VWA3B: variants seen among roughly 807,000 people sequenced by gnomAD.
VWA3B encodes von Willebrand factor A domain-containing protein 3B.
A neutral mutation model predicts 158.3 loss-of-function variants in VWA3B; 138 were observed. The observed-to-expected ratio is 0.87, with a 90% CI of 0.76 to 1.00. The LOEUF is 1.00. Among genes scored for constraint, VWA3B ranks in the 50% least tolerant of loss-of-function variants. VWA3B has a pLI of 0.00. For missense variants in VWA3B, 1,555 were observed against 1,565.1 expected (o/e 0.99, Z 0.11); for synonymous variants, 596 against 587.3 (o/e 1.01, Z -0.21).
intron 7 of VWA3B, among the ~76,000 whole-genome samples, chr2:98,154,018 C>T (rs779068712): frequency 2.6e-5 from 4 of 152,142 alleles, no homozygotes; most frequent in African/African-American, 9.7e-5. Flanking sequence ...CCTGTCACCA[C>T]GCCCAGCTAA....
At chr2:98,216,988 C>CCCCCG in intron 13 of VWA3B, 5 of 1,250,626 alleles carry the variant, frequency 4.0e-6, no homozygotes, top group East Asian at 5.6e-5. Flanking sequence ...AAGCACCCGC[C>CCCCCG]CCGCACCCAG....
intron 7 of VWA3B, among the ~76,000 whole-genome samples, chr2:98,147,792 C>T (rs554097335): frequency 6.6e-6 from 1 of 151,870 alleles, no homozygotes; most frequent in African/African-American, 2.4e-5. Context: ...TGTTGGTGTG[C>T]TGCACCCATT....
chr2:98,223,357 A>G (rs910178257), intron 14 of VWA3B, among the ~76,000 whole-genome samples: 1 of 152,074 alleles, frequency 6.6e-6, no homozygotes, highest in South Asian at 2.1e-4. Context: ...GACAATGACA[A>G]AATATCCAGC....
intron 14 of VWA3B, among the ~76,000 whole-genome samples, chr2:98,226,038 C>T (rs1466614533): frequency 6.6e-6 from 1 of 152,164 alleles, no homozygotes; most frequent in Non-Finnish European, 1.5e-5. Flanking sequence ...ATCAAAATTT[C>T]TATAAAAACC....
At chr2:98,324,664 T>C in the VWA3B span, among the ~76,000 whole-genome samples, 3 of 152,202 alleles carry the variant, frequency 2.0e-5, no homozygotes, top group African/African-American at 7.2e-5. Flanking sequence ...CTAACATTTA[T>C]AAAGTATGGG....
intron 22 of VWA3B, among the ~76,000 whole-genome samples, chr2:98,289,497 C>T (rs1008627568): frequency 2.0e-5 from 3 of 152,228 alleles, no homozygotes; most frequent in African/African-American, 7.2e-5. Flanking sequence ...CTCTACCCCA[C>T]TGACTTCTAG....
chr2:98,296,277 G>T (rs533651060), intron 23 of VWA3B, among the ~76,000 whole-genome samples: 1 of 152,300 alleles, frequency 6.6e-6, no homozygotes, highest in Admixed American at 6.5e-5. Context: ...GAGGGACGTG[G>T]GGCACACAGT....
At chr2:98,158,636 G>C (rs558786579) in intron 7 of VWA3B, among the ~76,000 whole-genome samples, 1 of 152,208 alleles carries the variant, frequency 6.6e-6, no homozygotes, top group South Asian at 2.1e-4. Context: ...GGCAGCAAGA[G>C]GATGGAGTCT....
intron 8 of VWA3B, among the ~76,000 whole-genome samples, chr2:98,171,568 C>A (rs552033683): frequency 1.3e-5 from 2 of 152,010 alleles, no homozygotes; most frequent in African/African-American, 4.8e-5. Context: ...AGCAGGGACC[C>A]GATTGTGCTG....
chr2:98,248,108 G>A (rs1181227967), intron 19 of VWA3B, among the ~76,000 whole-genome samples: 1 of 150,996 alleles, frequency 6.6e-6, no homozygotes, highest in Admixed American at 6.6e-5. Flanking sequence ...ATTTTTTTCT[G>A]GTTTTTTTTC....
intron 19 of VWA3B, among the ~76,000 whole-genome samples, chr2:98,237,615 A>G (rs962766825): frequency 6.6e-6 from 1 of 152,232 alleles, no homozygotes; most frequent in Non-Finnish European, 1.5e-5. Flanking sequence ...TCATCTTTAC[A>G]AGAATAATTC....
intron 22 of VWA3B, among the ~76,000 whole-genome samples, chr2:98,280,637 G>A (rs888600955): frequency 1.3e-5 from 2 of 152,252 alleles, no homozygotes; most frequent in Admixed American, 6.5e-5. Context: ...AGGAAGCAGC[G>A]CCTGGAGAGG....
intron 25 of VWA3B, 25 bp downstream of exon 25, chr2:98,300,241 G>A: frequency 1.2e-6 from 2 of 1,613,612 alleles, no homozygotes; most frequent in Non-Finnish European, 8.5e-7. Context: ...ATTTAGAAAA[G>A]GACTTTCTCC....
chr2:98,132,639 G>A (rs1311930259), intron 6 of VWA3B, among the ~76,000 whole-genome samples: 1 of 152,178 alleles, frequency 6.6e-6, no homozygotes, highest in Non-Finnish European at 1.5e-5. Context: ...GAAGGTCCTG[G>A]GTGCCAAAGG....
chr2:98,237,534 T>G (rs1209690714), intron 19 of VWA3B, among the ~76,000 whole-genome samples: 1 of 151,902 alleles, frequency 6.6e-6, no homozygotes, highest in African/African-American at 2.4e-5. Context: ...GAGGGCGTGG[T>G]AGGGTTAAAT....
chr2:98,189,354 C>A (rs1390681791), intron 10 of VWA3B, among the ~76,000 whole-genome samples: 1 of 152,202 alleles, frequency 6.6e-6, no homozygotes, highest in Non-Finnish European at 1.5e-5. Flanking sequence ...TTGCAGATCG[C>A]ACTACTGCAC....
At chr2:98,267,291 T>A (rs1460946854) in intron 21 of VWA3B, among the ~76,000 whole-genome samples, 1 of 151,568 alleles carries the variant, frequency 6.6e-6, no homozygotes, top group African/African-American at 2.4e-5. Flanking sequence ...TTTTTCTGCA[T>A]CTATTGAGAT....
intron 12 of VWA3B, chr2:98,206,641 C>A: frequency 5.4e-6 from 2 of 370,188 alleles, no homozygotes; most frequent in South Asian, 2.7e-5. Flanking sequence ...AGTTTGCTCC[C>A]ATTTATGTTG....
At chr2:98,158,606 G>A (rs1208750850) in intron 7 of VWA3B, among the ~76,000 whole-genome samples, 1 of 152,210 alleles carries the variant, frequency 6.6e-6, no homozygotes, top group Non-Finnish European at 1.5e-5. Flanking sequence ...TTCACTAATG[G>A]TGCGGCCCGA....
Sources: gnomAD v4.1 joint callset for allele counts (sites outside exome capture counted in the v4.1 genomes callset) on GRCh38, gnomAD v4.1.1 for gene constraint, MANE v1.5 for transcripts, NCBI Gene and HGNC (gene_info 2026-07-23, HGNC 2026-07-21) for gene names.